The following TXNRD1 variants were observed in gnomAD, a reference collection of about 807,000 sequenced individuals.
TXNRD1 encodes the protein thioredoxin reductase 1, cytoplasmic.
Under a neutral mutation model 80.3 loss-of-function variants are expected in TXNRD1, and 57 were observed. The ratio of observed to expected loss-of-function variants is 0.71; its 90% confidence interval spans 0.57 to 0.89. TXNRD1 has a LOEUF of 0.89. Among genes scored for constraint, TXNRD1 ranks in the 40% least tolerant of loss-of-function variants. TXNRD1 has a pLI of 0.00. For synonymous variants in TXNRD1, 291 were observed against 285.2 expected, an observed-to-expected ratio of 1.02 and a Z score of -0.20; for missense variants, 730 against 803.0, an observed-to-expected ratio of 0.91 and a Z score of 1.10.
At chr12:104,280,519 C>T (rs1017296527) in intron 3 of TXNRD1, 2 of 152,166 alleles carry the variant, frequency 1.3e-5, no homozygotes, top group African/African-American at 4.8e-5. Flanking sequence ...CATCTAGTCC[C>T]ATGGAGTGAC....
At chr12:104,261,170 T>C (rs887576086) in intron 3 of TXNRD1, among the ~76,000 whole-genome samples, 4 of 152,124 alleles carry the variant, frequency 2.6e-5, no homozygotes, top group African/African-American at 9.7e-5. Context: ...TTTCTTTTTT[T>C]TTTTTTAATT....
At chr12:104,233,607 T>C (rs1431138312) in intron 1 of TXNRD1, among the ~76,000 whole-genome samples, 1 of 152,180 alleles carries the variant, frequency 6.6e-6, no homozygotes, top group Non-Finnish European at 1.5e-5. Flanking sequence ...CTGCAACCTC[T>C]GCCTCCCAGG....
At chr12:104,217,320 T>C (rs1054810328) in intron 1 of TXNRD1, among the ~76,000 whole-genome samples, 1 of 4,232 alleles carries the variant, frequency 2.4e-4, no homozygotes, top group African/African-American at 6.4e-4. Context: ...ACAATTTTGT[T>C]TTTTTTTTTT....
At chr12:104,300,359 C>T (rs935364351) in intron 4 of TXNRD1, among the ~76,000 whole-genome samples, 22 of 152,206 alleles carry the variant, frequency 1.4e-4, no homozygotes, top group African/African-American at 5.3e-4. Flanking sequence ...ATCTCTGAGG[C>T]AACTCAGTCT....
intron 4 of TXNRD1, 107 bp downstream of exon 4, chr12:104,289,147 A>G: frequency 2.2e-6 from 3 of 1,371,912 alleles, no homozygotes; most frequent in Non-Finnish European, 3.0e-6. Flanking sequence ...TCCAAACGGG[A>G]CGCAGCGCTG....
chr12:104,251,632 ACT>A lies in TXNRD1; in HGVS notation c.200_201del (p.Ser67CysfsTer6), dbSNP rs1289461934. 6.2e-7 allele frequency: 1 copy of A among 1,613,690 alleles called. No individual in the cohort carries two copies. Among genetic ancestry groups the A allele is most frequent in the Non-Finnish European group, 8.5e-7 (1 of 1,179,822 alleles). On this transcript the variant is annotated frameshift_variant, in exon 2 of 17. Transcript: ENST00000525566. LOFTEE classifies it high-confidence loss of function. ...CTGCTTCAGGCCTATATAGATGGTC[ACT>A]CTGTGGTCATCTTCAGTAGGTCCAC...
In TXNRD1 at chr12:104,267,679, TTCTTTCTTTCTTTCTTTCTTTCTC is replaced by T. The variant is rs1431553876; in HGVS notation, c.304+9620_304+9643del. Among the ~76,000 whole-genome samples the T allele has an allele frequency of 3.5e-4, 16 of 46,048 alleles. 1 individual carries two copies. Among genetic ancestry groups the T allele is most frequent in the Admixed American group, 7.3e-4 (3 of 4,106 alleles). 30.2% of individuals were successfully genotyped at this position (46,048 alleles called of 152,430 possible). Reference sequence around the variant, plus strand: ...TTTCTTTCTTTCTTTCTTTCTTTCTTTCTTTCTTTCTTTCTTTCTTTCTCTCTTTCTTTCTTTCTTTCTCTTTCT... The same window carrying T: ...TTTCTTTCTTTCTTTCTTTCTTTCTTTCTTTCTTTCTTTCTTTCTCTTTCT... On this transcript the variant is annotated intron_variant, in intron 3 of 16. Transcript: ENST00000525566.
intron 3 of TXNRD1, among the ~76,000 whole-genome samples, chr12:104,278,759 C>T (rs1220162472): frequency 6.6e-6 from 1 of 152,164 alleles, no homozygotes; most frequent in East Asian, 1.9e-4. Context: ...CCTCGGCCTC[C>T]CAAAGTGTTG....
At chr12:104,311,659 T>G (rs928250267) in intron 5 of TXNRD1, among the ~76,000 whole-genome samples, 9 of 152,040 alleles carry the variant, frequency 5.9e-5, no homozygotes, top group African/African-American at 2.2e-4. Context: ...TTCCGTTCAC[T>G]TTAAGTTTAA....
intron 1 of TXNRD1, among the ~76,000 whole-genome samples, chr12:104,251,147 C>G (rs866157335): frequency 6.6e-6 from 1 of 152,116 alleles, no homozygotes; most frequent in Non-Finnish European, 1.5e-5. Context: ...TGGAAGGGGA[C>G]ATCTGTCTGA....
intron 3 of TXNRD1, among the ~76,000 whole-genome samples, chr12:104,267,703 C>CTTTCTCTCTT (rs1555209289): frequency 1.0e-4 from 1 of 9,820 alleles, no homozygotes; most frequent in Non-Finnish European, 2.2e-4. Flanking sequence ...CTTTCTTTCT[C>CTTTCTCTCTT]TCTTTCTTTC....
At chr12:104,309,287 G>A (rs769643384) in intron 4 of TXNRD1, among the ~76,000 whole-genome samples, 1 of 152,158 alleles carries the variant, frequency 6.6e-6, no homozygotes, top group Non-Finnish European at 1.5e-5. Flanking sequence ...GCTTAAAAAT[G>A]GTGAGGTTCA....
intron 14 of TXNRD1, among the ~76,000 whole-genome samples, chr12:104,333,594 C>T (rs1156627606): frequency 2.0e-5 from 3 of 151,928 alleles, no homozygotes; most frequent in Non-Finnish European, 4.4e-5. Flanking sequence ...TCAGTTTGCT[C>T]GTAAAAGGTA....
intron 4 of TXNRD1, chr12:104,303,946 T>A: frequency 6.3e-7 from 1 of 1,597,144 alleles, no homozygotes; most frequent in African/African-American, 1.3e-5. Flanking sequence ...TGAAGATGGA[T>A]GTGTCAGTGA....
At chr12:104,248,606 C>T (rs1435964953) in intron 1 of TXNRD1, among the ~76,000 whole-genome samples, 3 of 152,156 alleles carry the variant, frequency 2.0e-5, no homozygotes, top group African/African-American at 7.2e-5. Context: ...AATATGCATG[C>T]TTAGGCCCAT....
At chr12:104,281,475 C>T (rs1443071479) in intron 3 of TXNRD1, among the ~76,000 whole-genome samples, 4 of 141,204 alleles carry the variant, frequency 2.8e-5, no homozygotes, top group Non-Finnish European at 4.5e-5. Flanking sequence ...GGTGGGATCT[C>T]GGCTCACTGC....
At chr12:104,304,438 C>G in intron 4 of TXNRD1, 1 of 1,613,986 alleles carries the variant, frequency 6.2e-7, no homozygotes, top group Non-Finnish European at 8.5e-7. Context: ...CTGAGACATT[C>G]CATTTTGTTT....
At chr12:104,290,714 A>AATATATAT (rs1439546116) in intron 4 of TXNRD1, among the ~76,000 whole-genome samples, 1 of 49,154 alleles carries the variant, frequency 2.0e-5, no homozygotes. Context: ...AAAAAAAAGA[A>AATATATAT]ATATACATAT....
At chr12:104,217,240 A>G (rs1488742510) in intron 1 of TXNRD1, among the ~76,000 whole-genome samples, 2 of 150,970 alleles carry the variant, frequency 1.3e-5, no homozygotes, top group African/African-American at 2.4e-5. Context: ...ATGTCCTTCC[A>G]TTTATTTACT....
Sources: gnomAD v4.1 joint callset for allele counts (sites outside exome capture counted in the v4.1 genomes callset) on GRCh38, gnomAD v4.1.1 for gene constraint, MANE v1.5 for transcripts, NCBI Gene and HGNC (gene_info 2026-07-23, HGNC 2026-07-21) for gene names.